The following SYNJ2BP variants were observed in gnomAD, a reference collection of about 807,000 sequenced individuals.
SYNJ2BP encodes synaptojanin-2-binding protein.
A neutral mutation model predicts 16.9 loss-of-function variants in SYNJ2BP; 10 were observed. The observed-to-expected ratio is 0.59, with a 90% CI of 0.36 to 1.00. The LOEUF is 1.00. SYNJ2BP is among the 50% of genes least tolerant of loss of function. The pLI, the probability that SYNJ2BP is intolerant of heterozygous loss-of-function variation, is 0.01. For synonymous variants in SYNJ2BP, 54 were observed against 68.4 expected, an observed-to-expected ratio of 0.79 and a Z score of 1.04; for missense variants, 162 against 186.7, an observed-to-expected ratio of 0.87 and a Z score of 0.77.
rs981749261 is a variant in SYNJ2BP at position 70,415,513 on chromosome 14, T to G, written c.64+1387A>C. Among the ~76,000 whole-genome samples, 4 of 143,792 alleles carry G rather than the reference T, an allele frequency of 2.8e-5. No homozygotes were observed. The South Asian group carries it at 8.6e-4, about 31-fold the overall frequency. 94.3% of individuals were successfully genotyped at this position (143,792 alleles called of 152,430 possible). A position where few individuals can be genotyped will look rare whatever the true frequency, so the allele number is the denominator to read the frequency against. ...CTGCAGTGGGCTGAGATCGTGCCACTGCACTCTAGCCTGGGCAACAGAGTG... is the reference window on the plus strand; with the variant it reads ...CTGCAGTGGGCTGAGATCGTGCCACGGCACTCTAGCCTGGGCAACAGAGTG... On this transcript the variant is annotated intron_variant, in intron 1 of 3. Coordinates refer to ENST00000256366, the MANE Select transcript of SYNJ2BP (RefSeq NM_018373.3).
chr14:70,397,815 G>A (rs1454943879), intron 1 of SYNJ2BP, among the ~76,000 whole-genome samples: 2 of 152,190 alleles, frequency 1.3e-5, no homozygotes, highest in African/African-American at 4.8e-5. Flanking sequence ...CTCACCATTC[G>A]ATGGATCCTG....
intron 1 of SYNJ2BP, among the ~76,000 whole-genome samples, chr14:70,391,028 G>A (rs1490121732): frequency 2.6e-5 from 4 of 152,042 alleles, no homozygotes; most frequent in Admixed American, 6.6e-5. Context: ...GGGAGGCTGA[G>A]GTAGGAGGAT....
intron 1 of SYNJ2BP, among the ~76,000 whole-genome samples, chr14:70,402,532 T>C (rs1888261958): frequency 6.6e-6 from 1 of 152,002 alleles, no homozygotes; most frequent in Non-Finnish European, 1.5e-5. Flanking sequence ...TTTAGACACT[T>C]AATATCAGGC....
chr14:70,416,810 G>A, intron 1 of SYNJ2BP, 90 bp downstream of exon 1: 1 of 1,596,632 alleles, frequency 6.3e-7, no homozygotes, highest in Non-Finnish European at 8.6e-7. Flanking sequence ...TGCCCGCCCC[G>A]AGGCCAGGTG....
chr14:70,389,536 G>A (rs1324565720), intron 1 of SYNJ2BP, among the ~76,000 whole-genome samples: 1 of 152,126 alleles, frequency 6.6e-6, no homozygotes, highest in Non-Finnish European at 1.5e-5. Context: ...TATATAGGTT[G>A]AGTATCCCTT....
chr14:70,405,774 TA>T (rs1888332593), intron 1 of SYNJ2BP, among the ~76,000 whole-genome samples: 1 of 152,208 alleles, frequency 6.6e-6, no homozygotes, highest in African/African-American at 2.4e-5. Context: ...AATATTTTCA[TA>T]TACTAAGAGA....
Position 70,369,968 on chromosome 14 carries a change from C to T in SYNJ2BP, c.*3023G>A, listed in dbSNP as rs984133647. On this transcript the variant is annotated 3_prime_UTR_variant, in exon 4 of 4. Coordinates refer to ENST00000256366, the MANE Select transcript of SYNJ2BP (RefSeq NM_018373.3). ...TGAAGAACATGAATTTTTTTACAAC[C>T]TATAATGGATCCTGATACCTCATCT... The T allele has an allele frequency of 2.6e-5, 4 of 152,116 alleles. No homozygotes were observed. The highest frequency in any genetic ancestry group is 9.7e-5 in the African/African-American group (4 of 41,422). The allele number at this position is 152,116 out of a possible 1,614,324, so 9.4% of individuals were successfully genotyped here. A position where few individuals can be genotyped will look rare whatever the true frequency, so the allele number is the denominator to read the frequency against.
intron 2 of SYNJ2BP, among the ~76,000 whole-genome samples, chr14:70,381,519 C>T (rs1336032456): frequency 3.3e-5 from 5 of 152,178 alleles, no homozygotes; most frequent in East Asian, 1.9e-4. Context: ...TACTGACATC[C>T]TCTAAGCATT....
rs995829743 is a variant in SYNJ2BP, at chr14:70,402,606, G to A, written c.65-14000C>T. 2.6e-5 allele frequency among the ~76,000 whole-genome samples: 4 copies of A among 151,900 alleles called. No individual in the cohort carries two copies. The East Asian group carries it at 7.7e-4, about 29-fold the overall frequency. On this transcript the variant is annotated intron_variant, in intron 1 of 3. Transcript: ENST00000256366. ...TGTAGTCCCAGGGAGGCTGAAGTGGGAGGATCACTTGGGTCCAGGAGCTCA... is the reference window on the plus strand; with the variant it reads ...TGTAGTCCCAGGGAGGCTGAAGTGGAAGGATCACTTGGGTCCAGGAGCTCA...
intron 1 of SYNJ2BP, among the ~76,000 whole-genome samples, chr14:70,390,696 C>A (rs767435341): frequency 6.6e-6 from 1 of 151,506 alleles, no homozygotes; most frequent in Non-Finnish European, 1.5e-5. Context: ...GAGACATATG[C>A]GGGCTTTCTG....
Position 70,372,755 on chromosome 14 carries a change from T to C in SYNJ2BP, c.*236A>G, listed in dbSNP as rs1887543234. ...ATTTCTATCAAAAGTCCTAGTAAAATATATAACTCCTCATTTGTTCTAAGC... is the reference window on the plus strand; with the variant it reads ...ATTTCTATCAAAAGTCCTAGTAAAACATATAACTCCTCATTTGTTCTAAGC... On this transcript the variant is annotated 3_prime_UTR_variant, in exon 4 of 4. Transcript: ENST00000256366. The C allele has an allele frequency of 2.1e-6, 1 of 486,670 alleles. No individual in the cohort carries two copies. Among genetic ancestry groups the C allele is most frequent in the African/African-American group, 2.0e-5 (1 of 50,580 alleles). 30.1% of individuals were successfully genotyped at this position (486,670 alleles called of 1,614,324 possible).
At chr14:70,377,261 A>G (rs1887651333) in intron 2 of SYNJ2BP, among the ~76,000 whole-genome samples, 1 of 152,178 alleles carries the variant, frequency 6.6e-6, no homozygotes, top group African/African-American at 2.4e-5. Context: ...TTGGTAAATC[A>G]TTAGAATCCT....
rs114463260 is a variant in SYNJ2BP at position 70,376,904 on chromosome 14, T to G, written c.202-1133A>C. ...CCTTACTCAACTCTCTCATTTTCCT[T>G]GTCGCAATCTTCCTTCTCCAAGGCA... On this transcript the variant is annotated intron_variant, in intron 2 of 3. Transcript: ENST00000256366. Among the ~76,000 whole-genome samples the G allele has an allele frequency of 5.9e-5, 9 of 152,306 alleles. 1 individual carries two copies. Among genetic ancestry groups the G allele is most frequent in the African/African-American group, 2.2e-4 (9 of 41,568 alleles).
chr14:70,373,425 TGTATC>T (rs1887560187), intron 3 of SYNJ2BP, among the ~76,000 whole-genome samples: 1 of 152,194 alleles, frequency 6.6e-6, no homozygotes, highest in South Asian at 2.1e-4. Context: ...TTGCTATTTG[TGTATC>T]GTATCAGGAA....
At position 70,370,838 on chromosome 14, in the gene SYNJ2BP, C is replaced by A. The variant is rs1027228566; in HGVS notation, c.*2153G>T. ...TTCCTCCACGTAACTTTCTCAAACG[C>A]CCCAGTTCTCAGTAACTTTTCTCTT... is the stretch of plus-strand genomic sequence containing the variant. On this transcript the variant is annotated 3_prime_UTR_variant, in exon 4 of 4. Transcript: ENST00000256366. The A allele has an allele frequency of 6.6e-6, 1 of 152,222 alleles. No homozygotes were observed. Among genetic ancestry groups the A allele is most frequent in the African/African-American group, 2.4e-5 (1 of 41,456 alleles). The allele number at this position is 152,222 out of a possible 1,614,324, so 9.4% of individuals were successfully genotyped here. A position where few individuals can be genotyped will look rare whatever the true frequency, so the allele number is the denominator to read the frequency against.
intron 1 of SYNJ2BP, among the ~76,000 whole-genome samples, chr14:70,396,622 T>TTA (rs914107237): frequency 4.9e-4 from 70 of 141,566 alleles, no homozygotes; most frequent in African/African-American, 1.6e-3. Flanking sequence ...ATATGTATAT[T>TTA]TATATATATA....
intron 1 of SYNJ2BP, among the ~76,000 whole-genome samples, chr14:70,394,322 A>G (rs1296495475): frequency 6.6e-6 from 1 of 152,132 alleles, no homozygotes; most frequent in African/African-American, 2.4e-5. Context: ...TGAAGGGTGA[A>G]AAAAGAACCT....
chr14:70,382,725 C>T (rs1887779041), intron 2 of SYNJ2BP, among the ~76,000 whole-genome samples: 2 of 152,190 alleles, frequency 1.3e-5, no homozygotes, highest in South Asian at 2.1e-4. Flanking sequence ...TAGAAAATTT[C>T]GCTGACTCTG....
chr14:70,415,344 AATGAGACCAGCC>A (rs1888580429), intron 1 of SYNJ2BP, among the ~76,000 whole-genome samples: 1 of 150,930 alleles, frequency 6.6e-6, no homozygotes, highest in Non-Finnish European at 1.5e-5. Context: ...CAGGAGTTTA[AATGAGACCAGCC>A]TGGGCAACGT....
Sources: gnomAD v4.1 joint callset for allele counts (sites outside exome capture counted in the v4.1 genomes callset) on GRCh38, gnomAD v4.1.1 for gene constraint, MANE v1.5 for transcripts, NCBI Gene and HGNC (gene_info 2026-07-23, HGNC 2026-07-21) for gene names.